PHKA1: variants seen among roughly 807,000 people sequenced by gnomAD.
The protein encoded by PHKA1 is phosphorylase b kinase regulatory subunit alpha, skeletal muscle isoform.
Under a neutral mutation model 110.2 loss-of-function variants are expected in PHKA1, and 60 were observed. The ratio of observed to expected loss-of-function variants is 0.54; its 90% CI spans 0.44 to 0.68. The LOEUF is 0.68. Ranked by LOEUF, PHKA1 falls within the 30% of genes least tolerant of loss-of-function variation. The probability of loss-of-function intolerance (pLI) is 0.00; values close to 1 mark genes in which losing one functional copy is unlikely to be tolerated. For synonymous variants in PHKA1, 316 were observed against 333.6 expected, an observed-to-expected ratio of 0.95 and a Z score of 0.58; for missense variants, 801 against 942.5, an observed-to-expected ratio of 0.85 and a Z score of 1.97.
At chrX:72,662,177 GAGTACA>G (rs1268760963) in intron 8 of PHKA1, among the ~76,000 whole-genome samples, 1 of 112,205 alleles carries the variant, frequency 8.9e-6, no homozygotes, top group Non-Finnish European at 1.9e-5. Flanking sequence ...TATTACTCCA[GAGTACA>G]AGTACATGTT....
At chrX:72,654,531 G>A (rs2053467091) in intron 10 of PHKA1, among the ~76,000 whole-genome samples, 1 of 111,468 alleles carries the variant, frequency 9.0e-6, no homozygotes, top group Admixed American at 9.6e-5. Context: ...ATTATGTAGT[G>A]GGCATGAGAG....
intron 16 of PHKA1, 63 bp downstream of exon 16, chrX:72,635,092 G>A (rs2053213512): frequency 8.6e-7 from 1 of 1,159,501 alleles, no homozygotes; most frequent in Admixed American, 2.2e-5. Context: ...ACAAGATGTT[G>A]AAGGGCTAAA....
At chrX:72,615,993 A>T (rs1230568770) in intron 21 of PHKA1, among the ~76,000 whole-genome samples, 1 of 112,209 alleles carries the variant, frequency 8.9e-6, no homozygotes, top group Non-Finnish European at 1.9e-5. Context: ...TACATGGACT[A>T]AAAGTGAGCG....
chrX:72,680,369 C>A (rs1291962240), intron 5 of PHKA1, among the ~76,000 whole-genome samples: 1 of 112,222 alleles, frequency 8.9e-6, no homozygotes, highest in Non-Finnish European at 1.9e-5. Flanking sequence ...TGTAGCGGAA[C>A]AAACATAAGG....
Position 72,713,931 on chromosome X carries a change from G to A in PHKA1, c.-51C>T. ...GAGAAATAGCCCGGGTGCCACCGGA[G>A]CCTTCGGTCCCTAAGGAACAAGTAT... On this transcript the variant is annotated 5_prime_UTR_variant, in exon 1 of 32. Transcript: ENST00000373542. 3 of 937,616 alleles carry A rather than the reference G, an allele frequency of 3.2e-6. No homozygotes were observed. Among genetic ancestry groups the A allele is most frequent in the Non-Finnish European group, 4.6e-6 (3 of 651,127 alleles). The allele number at this position is 937,616 out of a possible 1,213,427, so 77.3% of individuals were successfully genotyped here.
intron 2 of PHKA1, among the ~76,000 whole-genome samples, chrX:72,708,648 T>G (rs1276292639): frequency 2.7e-5 from 3 of 111,912 alleles, no homozygotes; most frequent in Non-Finnish European, 5.6e-5. Flanking sequence ...AGAAATTATA[T>G]GAATCAACAG....
At chrX:72,622,200 C>T (rs1035231376) in intron 18 of PHKA1, 66 of 751,643 alleles carry the variant, frequency 8.8e-5, no homozygotes, top group Middle Eastern at 7.5e-4. Context: ...GAGTAAATGT[C>T]GGGCCCAAAA....
chrX:72,676,240 A>G (rs2053778354), intron 5 of PHKA1, 90 bp from the exon 6 acceptor site: 2 of 577,263 alleles, frequency 3.5e-6, no homozygotes, highest in Admixed American at 5.3e-5. Context: ...AATAAAAGAC[A>G]CTAGGAGTAA....
At chrX:72,684,433 G>A (rs2053945361) in intron 5 of PHKA1, 65 bp downstream of exon 5, 1 of 711,884 alleles carries the variant, frequency 1.4e-6, no homozygotes, top group African/African-American at 2.1e-5. Flanking sequence ...AAACAACTGA[G>A]TTGCCCAGTA....
At chrX:72,587,784 C>T (rs1372549439) in intron 29 of PHKA1, among the ~76,000 whole-genome samples, 1 of 111,132 alleles carries the variant, frequency 9.0e-6, no homozygotes, top group African/African-American at 3.3e-5. Flanking sequence ...TTTTGCAATC[C>T]TAGTCTCTGA....
intron 6 of PHKA1, among the ~76,000 whole-genome samples, chrX:72,671,957 A>C (rs2053708355): frequency 8.9e-6 from 1 of 111,828 alleles, no homozygotes; most frequent in Non-Finnish European, 1.9e-5. Flanking sequence ...TAAAGACTTA[A>C]ATGTTAGACC....
At position 72,579,748 on chromosome X, in the gene PHKA1, A is replaced by G. The variant is rs1460086505; in HGVS notation, c.*1254T>C. ...CCCATGTATGCTTATACACACACAC[A>G]CACACACACACACATACACACACAA... On this transcript the variant is annotated 3_prime_UTR_variant, in exon 32 of 32. Coordinates refer to ENST00000373542, the MANE Select transcript of PHKA1 (RefSeq NM_002637.4). 10 of 111,579 alleles carry G rather than the reference A, an allele frequency of 9.0e-5. No homozygotes were observed. The highest frequency in any genetic ancestry group is 3.3e-4 in the African/African-American group (10 of 30,622). 9.2% of individuals were successfully genotyped at this position (111,579 alleles called of 1,213,427 possible). A position where few individuals can be genotyped will look rare whatever the true frequency, so the allele number is the denominator to read the frequency against.
intron 4 of PHKA1, chrX:72,689,140 A>G (rs994679007): frequency 9.8e-5 from 11 of 112,542 alleles, no homozygotes; most frequent in Non-Finnish European, 1.9e-4. Flanking sequence ...TCTGTATAAC[A>G]TTAAGCCTCT....
intron 23 of PHKA1, among the ~76,000 whole-genome samples, chrX:72,607,241 A>AGTGG (rs2052741458): frequency 8.9e-6 from 1 of 111,845 alleles, no homozygotes; most frequent in African/African-American, 3.2e-5. Flanking sequence ...TATACCTAGC[A>AGTGG]GTGGGATTGC....
In PHKA1 at chrX:72,603,170, T is replaced by C; in HGVS notation, c.2866A>G (p.Asn956Asp). Residue 956 changes from asparagine to aspartate, a missense_variant, in exon 26 of 32, where the codon AAT (asparagine) becomes GAT (aspartate). Asn to Asp is a conservative substitution (Grantham distance 23). Around this residue, in one of 2 missense-constraint regions of PHKA1, gnomAD observed 502 missense variants for 519.2 expected, o/e 0.97. Transcript: ENST00000373542. ...LMNLSPSAMK[N>D]LLHHILSGKE... Reference sequence around the variant, plus strand: ...CCGCTGAGAATGTGATGCAGGAGATTCTTCATGGCCGAAGGACTGAGATTC... The same window carrying C: ...CCGCTGAGAATGTGATGCAGGAGATCCTTCATGGCCGAAGGACTGAGATTC... 2 of 1,208,787 alleles carry C rather than the reference T, an allele frequency of 1.7e-6. No homozygotes were observed. The highest frequency in any genetic ancestry group is 2.2e-6 in the Non-Finnish European group (2 of 892,972).
At chrX:72,713,690 A>ACACC in intron 1 of PHKA1, 113 bp downstream of exon 1, 1 of 592,117 alleles carries the variant, frequency 1.7e-6, no homozygotes, top group Non-Finnish European at 2.8e-6. Flanking sequence ...ACACACACAC[A>ACACC]CACACACACA....
intron 16 of PHKA1, among the ~76,000 whole-genome samples, chrX:72,633,261 G>A (rs1313457821): frequency 2.7e-5 from 3 of 111,449 alleles, no homozygotes; most frequent in Non-Finnish European, 5.6e-5. Context: ...AGTCATGAGT[G>A]TGCAGCCATC....
chrX:72,653,874 T>C (rs1384097861), intron 10 of PHKA1, among the ~76,000 whole-genome samples: 2 of 111,370 alleles, frequency 1.8e-5, no homozygotes, highest in Non-Finnish European at 3.8e-5. Context: ...CAAAGGCCTG[T>C]CTTGTTCCAC....
At chrX:72,635,015 G>T (rs1258414969) in intron 16 of PHKA1, 140 bp downstream of exon 16, 4 of 745,748 alleles carry the variant, frequency 5.4e-6, no homozygotes, top group East Asian at 3.4e-5. Flanking sequence ...AAAAGTGCTT[G>T]GCATAAAATA....
Sources: gnomAD v4.1 joint callset for allele counts (sites outside exome capture counted in the v4.1 genomes callset) on GRCh38, gnomAD v4.1.1 for gene constraint, gnomAD v4.1.1 regional missense constraint, MANE v1.5 for transcripts, NCBI Gene and HGNC (gene_info 2026-07-23, HGNC 2026-07-21) for gene names.